Variants in TMEM108 observed in about 807,000 individuals in gnomAD.
The protein encoded by TMEM108 is cancer/testis antigen 124.
In TMEM108, 12 loss-of-function variants were observed where a neutral mutation model predicts 35.1. The ratio of observed to expected loss-of-function variants is 0.34; its 90% CI spans 0.22 to 0.55. TMEM108 has a LOEUF of 0.55. Among genes scored for constraint, TMEM108 ranks in the 20% least tolerant of loss-of-function variants. The pLI is 0.89. For synonymous variants in TMEM108, 287 were observed against 308.6 expected, an observed-to-expected ratio of 0.93 and a Z score of 0.73; for missense variants, 680 against 753.3, an observed-to-expected ratio of 0.90 and a Z score of 1.14.
chr3:133,338,735 A>G (rs2071574526), intron 3 of TMEM108, among the ~76,000 whole-genome samples: 1 of 152,144 alleles, frequency 6.6e-6, no homozygotes, highest in African/African-American at 2.4e-5. Flanking sequence ...ATCAAAAATA[A>G]TAACCACAAC....
intron 2 of TMEM108, among the ~76,000 whole-genome samples, chr3:133,176,922 GA>G (rs1559857775): frequency 6.6e-6 from 1 of 152,072 alleles, no homozygotes. Flanking sequence ...CCGCTAGCAA[GA>G]CTAATAAAGA....
At position 133,195,027 on chromosome 3, in the gene TMEM108, A is replaced by G. The variant is rs568436711; in HGVS notation, c.-46-34239A>G. ...TAAATCTGGAAAGAACAACCTTGTT[A>G]TTATTTATAAAATATTTCTTATAAA... On this transcript the variant is annotated intron_variant, in intron 2 of 5. Transcript: ENST00000321871. Among the ~76,000 whole-genome samples the G allele has an allele frequency of 3.9e-5, 6 of 152,344 alleles. No homozygotes were observed. In the East Asian group the frequency reaches 5.8e-4, roughly 15 times the overall value.
In TMEM108 at chr3:133,252,357, G is replaced by A. The variant is rs1386381127; in HGVS notation, c.40+23006G>A. On this transcript the variant is annotated intron_variant, in intron 3 of 5. Transcript: ENST00000321871. Reference sequence around the variant, plus strand: ...ATTCACATTCTAAGCTGTATAAATTGTGTCCTCCAGGTGTTGTGTGGCTAA... The same window carrying A: ...ATTCACATTCTAAGCTGTATAAATTATGTCCTCCAGGTGTTGTGTGGCTAA... Among the ~76,000 whole-genome samples, 8 of 152,040 alleles carry A rather than the reference G, an allele frequency of 5.3e-5. 1 individual carries two copies. In the South Asian group the frequency reaches 1.7e-3, roughly 32 times the overall value.
intron 2 of TMEM108, among the ~76,000 whole-genome samples, chr3:133,097,317 A>G (rs35904848): frequency 0.096 from 14,687 of 152,282 alleles, 896 homozygotes; most frequent in Admixed American, 0.17. Flanking sequence ...TAGATTTTTC[A>G]TGGCTTAGAT....
rs570603036 is a variant in TMEM108 at position 133,266,441 on chromosome 3, G to A, written c.40+37090G>A. Among the ~76,000 whole-genome samples, 9 of 152,290 alleles carry A rather than the reference G, an allele frequency of 5.9e-5. No individual in the cohort carries two copies. In the South Asian group the frequency reaches 1.9e-3, roughly 32 times the overall value. On this transcript the variant is annotated intron_variant, in intron 3 of 5. Coordinates refer to ENST00000321871, the MANE Select transcript of TMEM108 (RefSeq NM_023943.4). ...CATTGTCCATAGGTTTTTGGCAACT[G>A]TGACTTTAAGCAAAACCACATACAG...
intron 2 of TMEM108, among the ~76,000 whole-genome samples, chr3:133,207,808 G>A (rs1945780155): frequency 6.6e-6 from 1 of 152,096 alleles, no homozygotes; most frequent in Non-Finnish European, 1.5e-5. Context: ...AAGATGTGTA[G>A]CATGTTAAAA....
intron 3 of TMEM108, among the ~76,000 whole-genome samples, chr3:133,333,882 G>A (rs1316288198): frequency 6.6e-6 from 1 of 152,120 alleles, no homozygotes; most frequent in Non-Finnish European, 1.5e-5. Flanking sequence ...AATAGACTGG[G>A]GATCAGGAGA....
intron 3 of TMEM108, among the ~76,000 whole-genome samples, chr3:133,373,650 A>G (rs1396141426): frequency 6.6e-6 from 1 of 152,186 alleles, no homozygotes; most frequent in East Asian, 1.9e-4. Context: ...TGAAATTAGA[A>G]AAGCCCATTT....
At position 133,343,914 on chromosome 3, in the gene TMEM108, A is replaced by G. The variant is rs1458635068; in HGVS notation, c.41-35838A>G. On this transcript the variant is annotated intron_variant, in intron 3 of 5. Coordinates refer to ENST00000321871, the MANE Select transcript of TMEM108 (RefSeq NM_023943.4). ...AATATCCAGTTGACCCTTGAACAAC[A>G]TACGTTTAAACTGCATAGGTCTACT... 2.0e-5 allele frequency among the ~76,000 whole-genome samples: 3 copies of G among 151,880 alleles called. No individual in the cohort carries two copies. The East Asian group carries it at 5.8e-4, about 29-fold the overall frequency.
chr3:133,146,677 C>A (rs1944725724), intron 2 of TMEM108, among the ~76,000 whole-genome samples: 1 of 152,110 alleles, frequency 6.6e-6, no homozygotes, highest in African/African-American at 2.4e-5. Context: ...TCGACTTCTT[C>A]CTGGTTTAGT....
intron 3 of TMEM108, among the ~76,000 whole-genome samples, chr3:133,320,710 C>T (rs967032119): frequency 7.9e-5 from 12 of 152,078 alleles, no homozygotes; most frequent in East Asian, 5.8e-4. Flanking sequence ...CACCCAGGTG[C>T]GTAATCATCA....
intron 2 of TMEM108, among the ~76,000 whole-genome samples, chr3:133,177,919 G>A (rs147389204): frequency 0.014 from 2,111 of 152,204 alleles, 52 homozygotes; most frequent in African/African-American, 0.048. Context: ...AAACCCCATC[G>A]TCTCAGCCCA....
intron 3 of TMEM108, among the ~76,000 whole-genome samples, chr3:133,244,619 G>T (rs900649190): frequency 2.6e-5 from 4 of 152,184 alleles, no homozygotes; most frequent in East Asian, 1.9e-4. Flanking sequence ...TCTTTCCCTG[G>T]AGATGTGGCT....
chr3:133,175,113 G>A (rs1039890729), intron 2 of TMEM108, among the ~76,000 whole-genome samples: 8 of 152,066 alleles, frequency 5.3e-5, no homozygotes, highest in South Asian at 2.1e-4. Flanking sequence ...AAGTGAGAAG[G>A]GAAGTTTAGA....
chr3:133,125,996 T>G (rs578110151), intron 2 of TMEM108, among the ~76,000 whole-genome samples: 16 of 152,336 alleles, frequency 1.1e-4, no homozygotes, highest in African/African-American at 2.9e-4. Flanking sequence ...GTATGCTGGC[T>G]GACTGACATC....
At chr3:133,149,891 C>A (rs1229492404) in intron 2 of TMEM108, among the ~76,000 whole-genome samples, 1 of 152,078 alleles carries the variant, frequency 6.6e-6, no homozygotes, top group Non-Finnish European at 1.5e-5. Flanking sequence ...ATTCATCTCT[C>A]AGTGGACACT....
chr3:133,249,201 C>T (rs1300384835), intron 3 of TMEM108, among the ~76,000 whole-genome samples: 1 of 152,188 alleles, frequency 6.6e-6, no homozygotes, highest in Non-Finnish European at 1.5e-5. Context: ...TTCATTGAAG[C>T]TGATGTGATA....
chr3:133,263,700 A>C (rs577549040), intron 3 of TMEM108, among the ~76,000 whole-genome samples: 90 of 152,318 alleles, frequency 5.9e-4, no homozygotes, highest in Non-Finnish European at 1.1e-3. Context: ...TAATCCCAAA[A>C]CTATGTAATC....
chr3:133,158,032 G>T (rs1365299725), intron 2 of TMEM108, among the ~76,000 whole-genome samples: 2 of 152,060 alleles, frequency 1.3e-5, no homozygotes, highest in Non-Finnish European at 2.9e-5. Context: ...TAGACAAGTG[G>T]GTTATCTCCT....
Sources: gnomAD v4.1 joint callset for allele counts (sites outside exome capture counted in the v4.1 genomes callset) on GRCh38, gnomAD v4.1.1 for gene constraint, MANE v1.5 for transcripts, NCBI Gene and HGNC (gene_info 2026-07-23, HGNC 2026-07-21) for gene names.